Variants in AFTPH observed in about 807,000 individuals in gnomAD.
The protein encoded by AFTPH is aftiphilin.
In AFTPH, 7 loss-of-function variants were observed where a neutral mutation model predicts 72.5. That is an observed-to-expected ratio of 0.10 (90% CI 0.05 to 0.18). The LOEUF (loss-of-function observed/expected upper bound fraction) is 0.18. Ranked by LOEUF, AFTPH falls within the 10% of genes least tolerant of loss-of-function variation. The pLI is 1.00. For missense variants in AFTPH, 979 were observed against 1,060.5 expected (o/e 0.92, Z 1.07); for synonymous variants, 337 against 370.1 (o/e 0.91, Z 1.03).
rs769194006 is a variant in AFTPH at position 64,552,807 on chromosome 2, A to C, written c.1333A>C (p.Thr445Pro). The stretch of plus-strand genomic sequence containing the variant: ...TGACTTTGGCTCTGCCAGTGGCTCA[A>C]CTCCACCTTTTGTTACTGGTACTCA... Residue 445 changes from threonine (T) to proline (P), a missense_variant, in exon 2 of 9, where the codon ACT becomes CCT. Transcript: ENST00000238856. 9 of 1,613,970 alleles carry C rather than the reference A, an allele frequency of 5.6e-6. No individual in the cohort carries two copies. In the South Asian group the frequency reaches 9.9e-5, roughly 18 times the overall value.
intron 2 of AFTPH, 142 bp downstream of exon 2, chr2:64,553,551 G>A: frequency 1.1e-6 from 1 of 923,422 alleles, no homozygotes; most frequent in Non-Finnish European, 1.5e-6. Context: ...CTGATTTGTG[G>A]GTTGGTTACA....
intron 1 of AFTPH, among the ~76,000 whole-genome samples, chr2:64,536,627 G>A (rs1442025945): frequency 6.7e-6 from 1 of 149,986 alleles, no homozygotes; most frequent in Non-Finnish European, 1.5e-5. Context: ...TTCATTGAAG[G>A]ATAAGGGATA....
At chr2:64,548,480 A>G (rs1288326787) in intron 1 of AFTPH, among the ~76,000 whole-genome samples, 1 of 148,870 alleles carries the variant, frequency 6.7e-6, no homozygotes, top group Non-Finnish European at 1.5e-5. Context: ...ATAATATGCT[A>G]TTGTAGGGAT....
intron 1 of AFTPH, among the ~76,000 whole-genome samples, chr2:64,544,250 C>G (rs1331541910): frequency 1.3e-5 from 2 of 152,214 alleles, no homozygotes; most frequent in Non-Finnish European, 2.9e-5. Context: ...TTCTCTATCT[C>G]TATGCTCTGA....
chr2:64,548,690 A>G (rs1374811673), intron 1 of AFTPH, among the ~76,000 whole-genome samples: 1 of 152,166 alleles, frequency 6.6e-6, no homozygotes. Flanking sequence ...TAGGAACTTC[A>G]TAATTAGAGG....
At chr2:64,579,712 CG>C in intron 7 of AFTPH, 166 bp downstream of exon 7, 1 of 558,648 alleles carries the variant, frequency 1.8e-6, no homozygotes, top group Non-Finnish European at 3.1e-6. Flanking sequence ...AGAAACCAGC[CG>C]TTACTATTAT....
intron 7 of AFTPH, 41 bp from the exon 9 acceptor site, chr2:64,585,381 A>G: frequency 1.2e-6 from 2 of 1,611,252 alleles, no homozygotes; most frequent in Non-Finnish European, 1.7e-6. Context: ...TGGGTAACCC[A>G]TTGCAGCCTG....
chr2:64,569,289 G>T, intron 4 of AFTPH, 71 bp downstream of exon 4: 1 of 1,526,068 alleles, frequency 6.6e-7, no homozygotes, highest in Non-Finnish European at 8.8e-7. Flanking sequence ...TCATACTTCT[G>T]TTTAAGCTGT....
intron 2 of AFTPH, among the ~76,000 whole-genome samples, chr2:64,558,502 G>A (rs888268570): frequency 2.6e-5 from 4 of 152,122 alleles, no homozygotes; most frequent in Non-Finnish European, 5.9e-5. Context: ...AGATTACAAA[G>A]AACAAGAAAC....
intron 1 of AFTPH, chr2:64,525,415 T>C (rs1186805461): frequency 6.5e-6 from 1 of 154,386 alleles, no homozygotes; most frequent in Non-Finnish European, 1.5e-5. Flanking sequence ...TTATACTGAA[T>C]CTTTTCTGTT....
At chr2:64,552,029 G>C in exon 2 of AFTPH, 2 of 1,613,948 alleles carry the variant, frequency 1.2e-6, no homozygotes, top group Non-Finnish European at 1.7e-6. Context: ...TAACAAATGG[G>C]TTTGCAGTGT....
exon 2 of AFTPH, chr2:64,551,729 AAATGGT>A: frequency 6.2e-7 from 1 of 1,613,786 alleles, no homozygotes; most frequent in Non-Finnish European, 8.5e-7. Flanking sequence ...AGTCCATTAA[AAATGGT>A]AATGATAAGG....
intron 2 of AFTPH, among the ~76,000 whole-genome samples, chr2:64,565,091 G>A (rs563671507): frequency 2.0e-5 from 3 of 151,888 alleles, no homozygotes; most frequent in Admixed American, 2.0e-4. Flanking sequence ...CACCCGCCTC[G>A]GCTTCCCAAA....
At chr2:64,553,387 A>G (rs758155807) in exon 2 of AFTPH, 3 of 1,597,030 alleles carry the variant, frequency 1.9e-6, no homozygotes, top group Non-Finnish European at 2.6e-6. Context: ...GGCCATTTAC[A>G]GGAATCAGCC....
At chr2:64,538,477 A>G (rs1572948480) in intron 1 of AFTPH, among the ~76,000 whole-genome samples, 3 of 152,284 alleles carry the variant, frequency 2.0e-5, no homozygotes, top group African/African-American at 7.2e-5. Context: ...CTTGAGCACT[A>G]TTTTGGAATG....
At chr2:64,559,386 G>C (rs577810477) in intron 2 of AFTPH, among the ~76,000 whole-genome samples, 1 of 152,162 alleles carries the variant, frequency 6.6e-6, no homozygotes. Flanking sequence ...ATAAGCTGGA[G>C]ACCCAAGAGC....
intron 7 of AFTPH, 118 bp from the exon 8 acceptor site, chr2:64,581,072 A>T: frequency 1.6e-6 from 1 of 614,940 alleles, no homozygotes; most frequent in South Asian, 2.1e-5. Flanking sequence ...ATGTGTAATG[A>T]TTACTAATTA....
chr2:64,532,688 G>C (rs571101938), intron 1 of AFTPH, among the ~76,000 whole-genome samples: 2 of 152,276 alleles, frequency 1.3e-5, no homozygotes, highest in African/African-American at 4.8e-5. Flanking sequence ...AGATCTTTGT[G>C]GAATCAAGTG....
intron 1 of AFTPH, among the ~76,000 whole-genome samples, chr2:64,549,783 A>C (rs1037168058): frequency 1.6e-5 from 2 of 122,956 alleles, no homozygotes; most frequent in Non-Finnish European, 3.0e-5. Flanking sequence ...GCTGTTGAGA[A>C]AAAAAAAATT....
Sources: gnomAD v4.1 joint callset for allele counts (sites outside exome capture counted in the v4.1 genomes callset) on GRCh38, gnomAD v4.1.1 for gene constraint, MANE v1.5 for transcripts, NCBI Gene and HGNC (gene_info 2026-07-23, HGNC 2026-07-21) for gene names.